Variants in CDH12 observed in about 807,000 individuals in gnomAD.
The protein encoded by CDH12 is cadherin-12.
In CDH12, 41 loss-of-function variants were observed where a neutral mutation model predicts 74.1. The ratio of observed to expected loss-of-function variants is 0.55; its 90% CI spans 0.43 to 0.72. The LOEUF (loss-of-function observed/expected upper bound fraction) is 0.72, where lower values mean the gene tolerates loss of function less well. CDH12 is among the 30% of genes least tolerant of loss of function. The pLI is 0.00. For synonymous variants in CDH12, 399 were observed against 355.0 expected, an observed-to-expected ratio of 1.12 and a Z score of -1.39; for missense variants, 945 against 977.2, an observed-to-expected ratio of 0.97 and a Z score of 0.44.
chr5:22,648,376 A>C (rs1233903673), intron 1 of CDH12, among the ~76,000 whole-genome samples: 1 of 151,810 alleles, frequency 6.6e-6, no homozygotes, highest in Admixed American at 6.6e-5. Context: ...GTTCTTATAT[A>C]ATTCTTTGCC....
chr5:21,979,994 T>C (rs1196145862), intron 5 of CDH12, among the ~76,000 whole-genome samples: 1 of 151,796 alleles, frequency 6.6e-6, no homozygotes, highest in African/African-American at 2.4e-5. Flanking sequence ...TGGTGTGAGA[T>C]GGTATCTCAT....
chr5:22,666,586 G>T (rs1203306974), intron 1 of CDH12, among the ~76,000 whole-genome samples: 1 of 151,912 alleles, frequency 6.6e-6, no homozygotes, highest in Non-Finnish European at 1.5e-5. Flanking sequence ...CACCGCGCCC[G>T]GCCCTCTCTA....
chr5:22,006,181 C>T (rs539292102), intron 5 of CDH12, among the ~76,000 whole-genome samples: 1 of 151,850 alleles, frequency 6.6e-6, no homozygotes, highest in Non-Finnish European at 1.5e-5. Context: ...CACCTCTCTT[C>T]TTTTAATTTT....
chr5:21,941,808 CT>C (rs61643635), intron 6 of CDH12, among the ~76,000 whole-genome samples: 44,610 of 150,074 alleles, frequency 0.3, 10,965 homozygotes, highest in African/African-American at 0.68. Flanking sequence ...GTGTGGCTGA[CT>C]TTTTTTTTTC....
At chr5:22,424,544 T>G (rs1743809679) in intron 2 of CDH12, among the ~76,000 whole-genome samples, 1 of 152,182 alleles carries the variant, frequency 6.6e-6, no homozygotes, top group African/African-American at 2.4e-5. Context: ...CTTACCAGCC[T>G]TCAGAATCAT....
At chr5:22,311,702 CAAAA>C (rs138539518) in intron 3 of CDH12, among the ~76,000 whole-genome samples, 1 of 94,696 alleles carries the variant, frequency 1.1e-5, no homozygotes, top group Non-Finnish European at 2.1e-5. Flanking sequence ...GACTCCATCT[CAAAA>C]AAAAAAAAAA....
chr5:22,090,882 T>C (rs1001670887), intron 4 of CDH12, among the ~76,000 whole-genome samples: 8 of 152,006 alleles, frequency 5.3e-5, no homozygotes, highest in African/African-American at 1.9e-4. Flanking sequence ...TTTCAATATG[T>C]TTTATTGATA....
At chr5:22,334,282 T>G (rs1739471824) in intron 3 of CDH12, among the ~76,000 whole-genome samples, 1 of 152,070 alleles carries the variant, frequency 6.6e-6, no homozygotes, top group Non-Finnish European at 1.5e-5. Context: ...TTAAGTTAAT[T>G]TGAAATTAAC....
At chr5:22,270,569 T>C (rs573922289) in intron 3 of CDH12, among the ~76,000 whole-genome samples, 3 of 146,198 alleles carry the variant, frequency 2.1e-5, no homozygotes. Flanking sequence ...CACTTCTGCC[T>C]AGGCGGCAGG....
chr5:22,033,032 CT>C (rs1318964093), intron 5 of CDH12, among the ~76,000 whole-genome samples: 1 of 128,878 alleles, frequency 7.8e-6, no homozygotes, highest in African/African-American at 3.3e-5. Context: ...AAACATCTTG[CT>C]TCCAAAAAAA....
chr5:21,915,822 CTGTGTGTGTGTGTG>C (rs36126825), intron 6 of CDH12, among the ~76,000 whole-genome samples: 4 of 140,044 alleles, frequency 2.9e-5, no homozygotes, highest in African/African-American at 8.0e-5. Flanking sequence ...ATCATTTGTG[CTGTGTGTGTGTGTG>C]TGTGTGTGTG....
At chr5:22,833,405 G>A (rs116375317) in intron 1 of CDH12, among the ~76,000 whole-genome samples, 3 of 152,204 alleles carry the variant, frequency 2.0e-5, no homozygotes, top group African/African-American at 7.2e-5. Flanking sequence ...CACCAAGAAG[G>A]TTTAAAATGC....
At chr5:21,917,820 T>C (rs1365001700) in intron 6 of CDH12, among the ~76,000 whole-genome samples, 2 of 152,168 alleles carry the variant, frequency 1.3e-5, no homozygotes, top group Non-Finnish European at 2.9e-5. Flanking sequence ...TGCAAATTAT[T>C]TATGGTTGGT....
At chr5:22,126,144 C>T (rs1480206197) in intron 4 of CDH12, among the ~76,000 whole-genome samples, 3 of 151,904 alleles carry the variant, frequency 2.0e-5, no homozygotes, top group Non-Finnish European at 2.9e-5. Flanking sequence ...TATATAAGTA[C>T]ACATGTATTA....
chr5:22,788,654 G>T (rs181793658), intron 1 of CDH12, among the ~76,000 whole-genome samples: 1 of 146,556 alleles, frequency 6.8e-6, no homozygotes, highest in East Asian at 2.0e-4. Context: ...ATGTTCATGT[G>T]TAAATTTATA....
At chr5:22,078,220 T>A (rs1742465163) in intron 5 of CDH12, among the ~76,000 whole-genome samples, 1 of 152,278 alleles carries the variant, frequency 6.6e-6, no homozygotes, top group South Asian at 2.1e-4. Flanking sequence ...AAATATATAC[T>A]ATTTTCATTA....
intron 5 of CDH12, among the ~76,000 whole-genome samples, chr5:22,053,561 T>C (rs1740536670): frequency 6.6e-6 from 1 of 152,198 alleles, no homozygotes; most frequent in South Asian, 2.1e-4. Flanking sequence ...AATTTTGGAC[T>C]CTAGTTCACT....
intron 3 of CDH12, among the ~76,000 whole-genome samples, chr5:22,326,049 G>A (rs959775233): frequency 6.6e-6 from 1 of 152,054 alleles, no homozygotes; most frequent in Non-Finnish European, 1.5e-5. Flanking sequence ...AATTATAAGA[G>A]GTCAATATCA....
In CDH12 at chr5:21,975,404, G is replaced by A. The variant is rs764066993; in HGVS notation, c.232-19C>T. 24 of 1,544,420 alleles carry A rather than the reference G, an allele frequency of 1.6e-5. No homozygotes were observed. The South Asian group carries it at 2.0e-4, about 13-fold the overall frequency. ...AATGGAGCTTTAGGGAAGAGAAGGA[G>A]AGAGAGAGGAAGAGAAAGAGAAGGA... On this transcript the variant is annotated intron_variant, in intron 5 of 14. Transcript: ENST00000382254.
Sources: gnomAD v4.1 joint callset for allele counts (sites outside exome capture counted in the v4.1 genomes callset) on GRCh38, gnomAD v4.1.1 for gene constraint, MANE v1.5 for transcripts, NCBI Gene and HGNC (gene_info 2026-07-23, HGNC 2026-07-21) for gene names.